AFG2A: variants seen among roughly 807,000 people sequenced by gnomAD.
The protein encoded by AFG2A is ATPase family gene 2 protein homolog A.
At chr4:123,281,308 G>A in the AFG2A span, among the ~76,000 whole-genome samples, 2 of 152,100 alleles carry the variant, frequency 1.3e-5, no homozygotes, top group African/African-American at 2.4e-5. Flanking sequence ...CCTAATATTA[G>A]AAAGCAAATG....
chr4:123,308,687 T>TCCC, the AFG2A span, among the ~76,000 whole-genome samples: 2 of 152,140 alleles, frequency 1.3e-5, no homozygotes, highest in Middle Eastern at 3.2e-3. Flanking sequence ...GCTAAAAAGG[T>TCCC]TGGGGACTGC....
At chr4:123,290,236 G>A in the AFG2A span, among the ~76,000 whole-genome samples, 1 of 152,024 alleles carries the variant, frequency 6.6e-6, no homozygotes, top group Non-Finnish European at 1.5e-5. Context: ...TGCTTTTGTT[G>A]CTTGTGCTTT....
At chr4:123,022,010 T>A in the AFG2A span, among the ~76,000 whole-genome samples, 5 of 151,240 alleles carry the variant, frequency 3.3e-5, no homozygotes, top group Non-Finnish European at 5.9e-5. Flanking sequence ...CTGGATCCCT[T>A]CCTTACGCCT....
the AFG2A span, among the ~76,000 whole-genome samples, chr4:123,077,297 T>C: frequency 6.6e-6 from 1 of 152,104 alleles, no homozygotes; most frequent in Non-Finnish European, 1.5e-5. Context: ...TCTGCCTGCC[T>C]CGGCCTCCCA....
At chr4:123,008,250 G>A in the AFG2A span, among the ~76,000 whole-genome samples, 1 of 152,126 alleles carries the variant, frequency 6.6e-6, no homozygotes, top group African/African-American at 2.4e-5. Context: ...AGAGAGAGAT[G>A]CCAGGCTCTT....
chr4:122,989,529 C>G, the AFG2A span, among the ~76,000 whole-genome samples: 1 of 152,024 alleles, frequency 6.6e-6, no homozygotes, highest in Non-Finnish European at 1.5e-5. Flanking sequence ...TGAGGTGGGC[C>G]TTGAATTCAG....
chr4:123,163,304 C>T, the AFG2A span, among the ~76,000 whole-genome samples: 6 of 152,196 alleles, frequency 3.9e-5, no homozygotes, highest in South Asian at 4.1e-4. Flanking sequence ...GGCATGGTGG[C>T]GCGTGCCTGT....
chr4:123,220,165 G>A, the AFG2A span, among the ~76,000 whole-genome samples: 663 of 152,072 alleles, frequency 4.4e-3, 2 homozygotes, highest in Non-Finnish European at 4.8e-3. Flanking sequence ...CACTGCACCC[G>A]GCAGAAAATC....
At chr4:123,185,504 T>G in the AFG2A span, among the ~76,000 whole-genome samples, 1 of 152,152 alleles carries the variant, frequency 6.6e-6, no homozygotes, top group Non-Finnish European at 1.5e-5. Context: ...TGAAGTAATT[T>G]TGCCCAAACT....
chr4:122,958,493 ATTC>A, the AFG2A span, among the ~76,000 whole-genome samples: 1 of 152,170 alleles, frequency 6.6e-6, no homozygotes, highest in Non-Finnish European at 1.5e-5. Context: ...TCTATTATTT[ATTC>A]TTCCCCACGG....
chr4:123,051,125 C>T, the AFG2A span, among the ~76,000 whole-genome samples: 2 of 150,820 alleles, frequency 1.3e-5, no homozygotes, highest in South Asian at 2.1e-4. Flanking sequence ...TTACTTTGAC[C>T]ATTTCGATAC....
At chr4:123,149,975 C>G in the AFG2A span, among the ~76,000 whole-genome samples, 1 of 151,808 alleles carries the variant, frequency 6.6e-6, no homozygotes, top group African/African-American at 2.4e-5. Flanking sequence ...TCAACATATG[C>G]AAATCAATAA....
the AFG2A span, among the ~76,000 whole-genome samples, chr4:123,084,942 T>A: frequency 6.6e-6 from 1 of 152,182 alleles, no homozygotes; most frequent in Non-Finnish European, 1.5e-5. Flanking sequence ...AAAAATATTT[T>A]AAAATTTCTC....
the AFG2A span, among the ~76,000 whole-genome samples, chr4:123,170,914 G>T: frequency 6.6e-5 from 10 of 152,136 alleles, no homozygotes; most frequent in African/African-American, 2.4e-4. Context: ...CTAAAATGGG[G>T]TTATTAACCC....
At chr4:123,218,323 T>C in the AFG2A span, among the ~76,000 whole-genome samples, 2 of 152,214 alleles carry the variant, frequency 1.3e-5, no homozygotes, top group African/African-American at 2.4e-5. Flanking sequence ...GAAGTGAATT[T>C]CACCTCCTTT....
At chr4:123,159,139 G>A in the AFG2A span, among the ~76,000 whole-genome samples, 2 of 152,072 alleles carry the variant, frequency 1.3e-5, no homozygotes, top group African/African-American at 2.4e-5. Context: ...AATCAGGCCT[G>A]ATTAAAAGTA....
the AFG2A span, among the ~76,000 whole-genome samples, chr4:122,944,433 C>T: frequency 2.0e-5 from 3 of 152,316 alleles, no homozygotes; most frequent in Non-Finnish European, 2.9e-5. Flanking sequence ...CGCATCGGCT[C>T]CTGAGGCTTT....
At chr4:122,994,408 T>A in the AFG2A span, among the ~76,000 whole-genome samples, 1 of 152,280 alleles carries the variant, frequency 6.6e-6, no homozygotes, top group East Asian at 1.9e-4. Flanking sequence ...GTGATAAGTT[T>A]CTCTATGTAC....
At chr4:123,029,544 TC>T in the AFG2A span, among the ~76,000 whole-genome samples, 1 of 152,218 alleles carries the variant, frequency 6.6e-6, no homozygotes, top group Non-Finnish European at 1.5e-5. Flanking sequence ...TTTTTTATTT[TC>T]TGGAAGATAT....
Sources: allele counts gnomAD v4.1 joint callset (sites outside exome capture counted in the v4.1 genomes callset), GRCh38; gene constraint gnomAD v4.1.1; transcripts MANE v1.5; gene names NCBI Gene and HGNC (gene_info 2026-07-23, HGNC 2026-07-21).